Variants in SNRPN observed in about 807,000 individuals in gnomAD.
The protein encoded by SNRPN is small nuclear ribonucleoprotein-associated protein N.
SNRPN carries 7 observed loss-of-function variants against 25.2 expected under a neutral mutation model. The ratio of observed to expected loss-of-function variants is 0.28; its 90% confidence interval spans 0.16 to 0.52. The LOEUF (loss-of-function observed/expected upper bound fraction) is 0.52, where lower values mean the gene tolerates loss of function less well. Among genes scored for constraint, SNRPN ranks in the 20% least tolerant of loss-of-function variants. The pLI is 0.96. For synonymous variants in SNRPN, 124 were observed against 110.6 expected, an observed-to-expected ratio of 1.12 and a Z score of -0.76; for missense variants, 196 against 322.5, an observed-to-expected ratio of 0.61 and a Z score of 3.00.
upstream of SNRPN, among the ~76,000 whole-genome samples, chr15:24,951,513 CT>C (rs34222681): frequency 1.8e-3 from 263 of 143,396 alleles, no homozygotes; most frequent in East Asian, 5.7e-3. Flanking sequence ...AATAGTAACA[CT>C]TTTTTTTTTT....
chr15:24,945,505 C>T (rs558621236), intron 3 of SNRPN, among the ~76,000 whole-genome samples: 33 of 152,048 alleles, frequency 2.2e-4, no homozygotes, highest in African/African-American at 7.5e-4. Flanking sequence ...AACCTGTGAT[C>T]GTGCCACTGC....
intron 2 of SNRPN, among the ~76,000 whole-genome samples, chr15:24,918,396 ATATATATAACATAATATATATGTG>A (rs1566908629): frequency 0.04 from 3,015 of 74,462 alleles, 300 homozygotes; most frequent in South Asian, 0.065. Context: ...ATATATGTGT[ATATATATAACATAATATATATGTG>A]TATATATAAC....
chr15:24,873,167 C>T lies in SNRPN; in HGVS notation c.-578-13349C>T, dbSNP rs889615757. 7.4e-5 allele frequency among the ~76,000 whole-genome samples: 8 copies of T among 108,302 alleles called. 3 individuals carry two copies. The highest frequency in any genetic ancestry group is 3.1e-4 in the South Asian group (1 of 3,198). 71.1% of individuals were successfully genotyped at this position (108,302 alleles called of 152,430 possible). ...GCTTACCAATTACTCCCGCCTTGCC[C>T]GCAAAAAAAAAGCAACAGGGATTCC... On this transcript the variant is annotated intron_variant, in intron 1 of 11. Coordinates refer to the SNRPN transcript ENST00000400097.
upstream of SNRPN, among the ~76,000 whole-genome samples, chr15:24,854,178 T>G (rs574714605): frequency 5.6e-4 from 85 of 152,336 alleles, no homozygotes; most frequent in Non-Finnish European, 3.5e-4. Flanking sequence ...ATGGCATGAA[T>G]CCGTTTATGA....
chr15:24,862,786 T>C (rs906398982), intron 1 of SNRPN, among the ~76,000 whole-genome samples: 1 of 150,340 alleles, frequency 6.7e-6, no homozygotes, highest in African/African-American at 2.5e-5. Flanking sequence ...GAGGAGATGC[T>C]GAAGAGTGAG....
In SNRPN at chr15:24,974,298, C is replaced by A; in HGVS notation, c.-143-13C>A. On this transcript the variant is annotated splice_polypyrimidine_tract_variant and intron_variant, in intron 3 of 9. Transcript: ENST00000390687. ...TAGATTGCAGTGCAGCTTTAACATG[C>A]TTTCCTCTGCAGGCTCCATCTACTC... The A allele has an allele frequency of 1.4e-6, 1 of 690,490 alleles. No individual in the cohort carries two copies. 42.8% of individuals were successfully genotyped at this position (690,490 alleles called of 1,614,324 possible). A position where few individuals can be genotyped will look rare whatever the true frequency, so the allele number is the denominator to read the frequency against.
In SNRPN at chr15:24,896,583, G is replaced by A. The variant is rs147499878; in HGVS notation, c.-505+9994G>A. On this transcript the variant is annotated intron_variant, in intron 2 of 11. Transcript: ENST00000400097. The stretch of plus-strand genomic sequence containing the variant: ...AAAAAAACTAGCTAGGTGTGGTGGC[G>A]GGCGCCTGTAGTTCCAGCTACTCGG... Among the ~76,000 whole-genome samples, 983 of 152,056 alleles carry A rather than the reference G, an allele frequency of 6.5e-3. 11 individuals carry two copies. The highest frequency in any genetic ancestry group is 0.022 in the African/African-American group (930 of 41,458).
chr15:24,978,121 A>G, intron 8 of SNRPN, 72 bp from the exon 9 acceptor site: 1 of 1,489,674 alleles, frequency 6.7e-7, no homozygotes, highest in South Asian at 1.2e-5. Flanking sequence ...TTCTTTAGGG[A>G]TTATTTGGGC....
chr15:24,856,022 G>A (rs1281145041), upstream of SNRPN, among the ~76,000 whole-genome samples: 7 of 151,902 alleles, frequency 4.6e-5, no homozygotes, highest in Non-Finnish European at 7.4e-5. Flanking sequence ...AATTATTTGT[G>A]TATATATGCT....
chr15:24,938,679 A>C (rs907924198), intron 3 of SNRPN, among the ~76,000 whole-genome samples: 1 of 152,162 alleles, frequency 6.6e-6, no homozygotes, highest in African/African-American at 2.4e-5. Flanking sequence ...AGAAGATAGG[A>C]GTGAAGGGAA....
chr15:24,847,988 T>G (rs1447455351), intron 2 of SNRPN, among the ~76,000 whole-genome samples: 1 of 151,976 alleles, frequency 6.6e-6, no homozygotes, highest in Admixed American at 6.6e-5. Flanking sequence ...ACTAAAGCCT[T>G]GATGGGTTAT....
intron 1 of SNRPN, among the ~76,000 whole-genome samples, chr15:24,885,716 C>G (rs1260001733): frequency 7.1e-6 from 1 of 141,734 alleles, no homozygotes; most frequent in East Asian, 2.2e-4. Context: ...GAATCTGGGG[C>G]TGTGTGTGTG....
At position 24,837,270 on chromosome 15, in the gene SNRPN, A is replaced by T. The variant is rs576742099; in HGVS notation, c.-579+7365A>T. ...AAGCGTTAAGTCTGAACCTACCTATAGGTGGGACTCTTAACCATTTTATAT... is the reference window on the plus strand; with the variant it reads ...AAGCGTTAAGTCTGAACCTACCTATTGGTGGGACTCTTAACCATTTTATAT... On this transcript the variant is annotated intron_variant, in intron 2 of 12. Coordinates refer to the SNRPN transcript ENST00000400100. Among the ~76,000 whole-genome samples, 353 of 152,190 alleles carry T rather than the reference A, an allele frequency of 2.3e-3. 1 individual carries two copies. The highest frequency in any genetic ancestry group is 4.4e-3 in the Non-Finnish European group (297 of 68,028).
At chr15:24,966,507 C>A (rs550426935) in intron 2 of SNRPN, among the ~76,000 whole-genome samples, 1 of 152,284 alleles carries the variant, frequency 6.6e-6, no homozygotes, top group South Asian at 2.1e-4. Flanking sequence ...AGCAACTCTC[C>A]TGCCCTCCCA....
intron 3 of SNRPN, among the ~76,000 whole-genome samples, chr15:24,922,077 G>A (rs542139575): frequency 1.3e-4 from 20 of 151,196 alleles, no homozygotes; most frequent in Admixed American, 9.9e-4. Context: ...GCCGGGCACC[G>A]TGGCGGGCTC....
chr15:24,862,526 G>A (rs1174960601), intron 1 of SNRPN, among the ~76,000 whole-genome samples: 1 of 151,110 alleles, frequency 6.6e-6, no homozygotes, highest in Non-Finnish European at 1.5e-5. Context: ...GAGAGTCACT[G>A]ATTCATTAGT....
chr15:24,868,185 A>G (rs1211834393), intron 1 of SNRPN, among the ~76,000 whole-genome samples: 3 of 152,018 alleles, frequency 2.0e-5, no homozygotes, highest in Non-Finnish European at 2.9e-5. Context: ...AAATGCAATG[A>G]ATGACAGCAA....
upstream of SNRPN, among the ~76,000 whole-genome samples, chr15:24,950,989 G>C (rs2062224083): frequency 6.6e-6 from 1 of 151,898 alleles, no homozygotes; most frequent in African/African-American, 2.4e-5. Flanking sequence ...GTCCCAAGCA[G>C]CTGGGACTGC....
chr15:24,938,776 G>C (rs1055595157), intron 3 of SNRPN, among the ~76,000 whole-genome samples: 4 of 152,126 alleles, frequency 2.6e-5, no homozygotes, highest in Non-Finnish European at 4.4e-5. Flanking sequence ...AATAATTCTG[G>C]TTGGCTTTGG....
Sources: gnomAD v4.1 joint callset for allele counts (sites outside exome capture counted in the v4.1 genomes callset) on GRCh38, gnomAD v4.1.1 for gene constraint, MANE v1.5 for transcripts, NCBI Gene and HGNC (gene_info 2026-07-23, HGNC 2026-07-21) for gene names.